OR51B5: variants seen among roughly 807,000 people sequenced by gnomAD.
OR51B5 encodes the protein olfactory receptor family 51 subfamily B member 5.
For missense variants in OR51B5, 456 were observed against 374.6 expected, an observed-to-expected ratio of 1.22 and a Z score of -1.79; for synonymous variants, 186 against 144.8, an observed-to-expected ratio of 1.28 and a Z score of -2.04.
intron 1 of OR51B5, chr11:5,422,429 C>T (rs774164784): frequency 3.7e-6 from 6 of 1,614,132 alleles, no homozygotes; most frequent in Non-Finnish European, 4.2e-6. Context: ...GGGTCTCACC[C>T]TCACCACCCT....
At chr11:5,380,110 G>A (rs977968005) in intron 1 of OR51B5, among the ~76,000 whole-genome samples, 1 of 152,034 alleles carries the variant, frequency 6.6e-6, no homozygotes, top group Non-Finnish European at 1.5e-5. Flanking sequence ...CCCAAAAGGG[G>A]TCTCTCTGAA....
rs542967514 is a variant in OR51B5 at position 5,454,180 on chromosome 11, G to A, written n.84+51389C>T. The A allele has an allele frequency of 3.4e-5, 55 of 1,610,692 alleles. 2 individuals are homozygous for A. In the South Asian group the frequency reaches 4.4e-4, roughly 13 times the overall value. On this transcript the variant is annotated intron_variant and non_coding_transcript_variant, in intron 1 of 4. Coordinates refer to the OR51B5 transcript ENST00000415970. ...CGTTCTGTCATGGCCACTGCTTCCC[G>A]TGAGGAACGCCTCAAAGCTCTCAAC... is the stretch of plus-strand genomic sequence containing the variant.
chr11:5,402,954 G>A lies in OR51B5; in HGVS notation n.85-56044C>T, dbSNP rs937318053. ...CCATGATGGAGCCAGCTGTGCTGCTGGCCATGTCTTTGGACCGCTTTATAG... is the reference window on the plus strand; with the variant it reads ...CCATGATGGAGCCAGCTGTGCTGCTAGCCATGTCTTTGGACCGCTTTATAG... On this transcript the variant is annotated intron_variant and non_coding_transcript_variant, in intron 1 of 4. Coordinates refer to the OR51B5 transcript ENST00000415970. 4 of 471,292 alleles carry A rather than the reference G, an allele frequency of 8.5e-6. No individual in the cohort carries two copies. The Admixed American group carries it at 9.4e-5, about 11-fold the overall frequency. The allele number at this position is 471,292 out of a possible 1,614,324, so 29.2% of individuals were successfully genotyped here.
chr11:5,343,457 TGATGAGCTTCCTCCAAGCCTG>T (rs759271625), exon 1 of OR51B5: 15 of 1,580,756 alleles, frequency 9.5e-6, no homozygotes, highest in African/African-American at 1.3e-5. Flanking sequence ...GGAAATCCAG[TGATGAGCTTCCTCCAAGCCTG>T]GAAAACCAGT....
chr11:5,383,461 T>G (rs1310477521), intron 1 of OR51B5, among the ~76,000 whole-genome samples: 1 of 152,208 alleles, frequency 6.6e-6, no homozygotes. Context: ...GAACATCACA[T>G]GGATAATCCT....
At chr11:5,454,311 C>T in intron 1 of OR51B5, 1 of 1,614,098 alleles carries the variant, frequency 6.2e-7, no homozygotes, top group Non-Finnish European at 8.5e-7. Context: ...CATACATGTC[C>T]TCATGTCAAA....
At chr11:5,441,302 A>G in intron 1 of OR51B5, 1 of 1,613,966 alleles carries the variant, frequency 6.2e-7, no homozygotes, top group Non-Finnish European at 8.5e-7. Flanking sequence ...CTCCCAGATC[A>G]TTGAGAGCGA....
At chr11:5,405,529 CTTT>C (rs35591014) in intron 1 of OR51B5, among the ~76,000 whole-genome samples, 1,629 of 151,352 alleles carry the variant, frequency 0.011, 29 homozygotes, top group African/African-American at 0.037. Flanking sequence ...TTAGAAAGAA[CTTT>C]TTTTTTTTTC....
chr11:5,386,738 G>T (rs577777539), intron 1 of OR51B5, among the ~76,000 whole-genome samples: 2 of 151,994 alleles, frequency 1.3e-5, no homozygotes, highest in African/African-American at 4.8e-5. Flanking sequence ...TAAGAACAAG[G>T]ACATTGGCTA....
intron 1 of OR51B5, among the ~76,000 whole-genome samples, chr11:5,359,798 A>C (rs1418345305): frequency 1.3e-5 from 2 of 151,932 alleles, no homozygotes; most frequent in Non-Finnish European, 2.9e-5. Flanking sequence ...AAACAGAGAT[A>C]TAGACCAATG....
chr11:5,400,066 A>G (rs6578636), intron 1 of OR51B5, among the ~76,000 whole-genome samples: 143,511 of 152,238 alleles, frequency 0.94, 68,056 homozygotes, highest in Non-Finnish European at 0.98. Context: ...ACATAAGGGC[A>G]TAAGAATGCA....
chr11:5,379,860 GA>G (rs1675620387), intron 1 of OR51B5, among the ~76,000 whole-genome samples: 1 of 152,024 alleles, frequency 6.6e-6, no homozygotes, highest in Admixed American at 6.6e-5. Context: ...CTCATCATGT[GA>G]TCTCCTTGCA....
At chr11:5,417,848 T>G (rs866639230) in intron 1 of OR51B5, among the ~76,000 whole-genome samples, 4 of 37,214 alleles carry the variant, frequency 1.1e-4, no homozygotes, top group Non-Finnish European at 2.7e-4. Flanking sequence ...AGTTCAACCA[T>G]TGTGGCGATT....
intron 1 of OR51B5, among the ~76,000 whole-genome samples, chr11:5,495,149 T>C (rs1379781851): frequency 6.6e-6 from 1 of 151,954 alleles, no homozygotes; most frequent in Admixed American, 6.6e-5. Flanking sequence ...TGGAGAAAAA[T>C]ATTCAAGAGT....
chr11:5,478,602 G>A (rs1380316226), intron 1 of OR51B5, among the ~76,000 whole-genome samples: 2 of 149,962 alleles, frequency 1.3e-5, no homozygotes, highest in Non-Finnish European at 3.0e-5. Context: ...CAAAGAAGTG[G>A]AAAACTTTGA....
intron 1 of OR51B5, among the ~76,000 whole-genome samples, chr11:5,462,739 C>A (rs966232600): frequency 2.6e-5 from 4 of 152,232 alleles, no homozygotes; most frequent in East Asian, 1.9e-4. Flanking sequence ...GACTCAGGAC[C>A]CTCTGTTGTT....
intron 1 of OR51B5, among the ~76,000 whole-genome samples, chr11:5,369,638 TTCTA>T (rs1445275908): frequency 6.6e-6 from 1 of 152,174 alleles, no homozygotes; most frequent in Non-Finnish European, 1.5e-5. Context: ...ATCCTTACCT[TTCTA>T]TCCTCCCTGG....
downstream of OR51B5, chr11:5,340,463 A>AAC (rs1269700331): frequency 6.6e-6 from 1 of 151,952 alleles, no homozygotes; most frequent in African/African-American, 2.4e-5. Flanking sequence ...ATTCTACAAC[A>AAC]AAAGCATTAC....
chr11:5,359,892 G>A (rs187739831), intron 1 of OR51B5, among the ~76,000 whole-genome samples: 35 of 152,270 alleles, frequency 2.3e-4, no homozygotes, highest in African/African-American at 8.4e-4. Context: ...AACAAATGGG[G>A]AAAGGATTCC....
Sources: gnomAD v4.1 joint callset for allele counts (sites outside exome capture counted in the v4.1 genomes callset) on GRCh38, gnomAD v4.1.1 for gene constraint, MANE v1.5 for transcripts, NCBI Gene and HGNC (gene_info 2026-07-23, HGNC 2026-07-21) for gene names.